Variants in ULK4 observed in about 807,000 individuals in gnomAD.
The protein encoded by ULK4 is unc-51 like kinase 4.
Under a neutral mutation model 160.6 loss-of-function variants are expected in ULK4, and 133 were observed. That is an observed-to-expected ratio of 0.83 (90% CI 0.72 to 0.96). The LOEUF is 0.96. ULK4 is among the 40% of genes least tolerant of loss of function. ULK4 has a pLI of 0.00. For missense variants in ULK4, 1,580 were observed against 1,499.5 expected, an observed-to-expected ratio of 1.05 and a Z score of -0.89; for synonymous variants, 534 against 539.8, an observed-to-expected ratio of 0.99 and a Z score of 0.15.
chr3:41,789,585 C>T, intron 21 of ULK4, 76 bp downstream of exon 21: 1 of 1,356,452 alleles, frequency 7.4e-7, no homozygotes, highest in South Asian at 1.6e-5. Flanking sequence ...ACAAACATGA[C>T]ATTACTTGTG....
At chr3:41,310,174 A>G (rs2080023020) in intron 35 of ULK4, among the ~76,000 whole-genome samples, 1 of 152,216 alleles carries the variant, frequency 6.6e-6, no homozygotes, top group African/African-American at 2.4e-5. Flanking sequence ...CCTTAGATAT[A>G]CTGGCATCAT....
At chr3:41,888,005 G>GAA (rs921455521) in intron 16 of ULK4, among the ~76,000 whole-genome samples, 1 of 143,458 alleles carries the variant, frequency 7.0e-6, no homozygotes, top group Non-Finnish European at 1.5e-5. Flanking sequence ...TCCACAAAAA[G>GAA]AAAAAAAAAA....
chr3:41,431,938 G>T (rs755274544), intron 34 of ULK4, among the ~76,000 whole-genome samples: 1 of 151,138 alleles, frequency 6.6e-6, no homozygotes, highest in Non-Finnish European at 1.5e-5. Flanking sequence ...TACAGGCGCC[G>T]GCCACCACGC....
intron 22 of ULK4, among the ~76,000 whole-genome samples, chr3:41,734,874 C>T (rs894848641): frequency 6.6e-6 from 1 of 152,114 alleles, no homozygotes; most frequent in African/African-American, 2.4e-5. Context: ...ACAGAGGGCC[C>T]AAGAACACAA....
intron 30 of ULK4, among the ~76,000 whole-genome samples, chr3:41,648,699 C>A (rs2034611115): frequency 6.6e-6 from 1 of 152,176 alleles, no homozygotes; most frequent in Non-Finnish European, 1.5e-5. Context: ...TGACACTTCT[C>A]TTCTCCTTTA....
intron 32 of ULK4, among the ~76,000 whole-genome samples, chr3:41,559,613 T>C (rs553108481): frequency 3.8e-4 from 58 of 152,226 alleles, no homozygotes; most frequent in African/African-American, 1.4e-3. Context: ...GATTTGCATT[T>C]CTCTGATGGC....
chr3:41,604,418 T>C (rs1393483111), intron 31 of ULK4, among the ~76,000 whole-genome samples: 1 of 152,102 alleles, frequency 6.6e-6, no homozygotes, highest in African/African-American at 2.4e-5. Flanking sequence ...TATGTAGTTC[T>C]GATATAGATG....
intron 17 of ULK4, among the ~76,000 whole-genome samples, chr3:41,862,578 G>C (rs2042525345): frequency 6.6e-6 from 1 of 152,212 alleles, no homozygotes; most frequent in South Asian, 2.1e-4. Flanking sequence ...GGACTTGGGT[G>C]TTGTGATCTA....
intron 32 of ULK4, among the ~76,000 whole-genome samples, chr3:41,514,297 T>C (rs2085681579): frequency 6.6e-6 from 1 of 152,146 alleles, no homozygotes. Context: ...TAAAAAGTAA[T>C]AATCTTACTT....
intron 22 of ULK4, among the ~76,000 whole-genome samples, chr3:41,737,121 T>C (rs1210308376): frequency 1.3e-5 from 2 of 151,936 alleles, no homozygotes; most frequent in Non-Finnish European, 2.9e-5. Context: ...TGAAGTCAGG[T>C]AGTGTGATGC....
intron 3 of ULK4, chr3:41,937,808 TTTG>T (rs1461033303): frequency 8.8e-6 from 2 of 227,206 alleles, no homozygotes; most frequent in Non-Finnish European, 1.7e-5. Flanking sequence ...ACTTAAAATG[TTTG>T]TTTTTATTTA....
At chr3:41,371,021 G>A (rs1331709558) in intron 35 of ULK4, among the ~76,000 whole-genome samples, 1 of 152,158 alleles carries the variant, frequency 6.6e-6, no homozygotes, top group East Asian at 1.9e-4. Flanking sequence ...TGTAAACAAA[G>A]CTGCCTGGAA....
intron 22 of ULK4, among the ~76,000 whole-genome samples, chr3:41,752,757 A>C (rs1183719944): frequency 6.6e-6 from 1 of 152,154 alleles, no homozygotes; most frequent in Non-Finnish European, 1.5e-5. Context: ...TAAGAGAAAA[A>C]CATTTGCAAC....
chr3:41,353,548 G>C (rs2080956155), intron 35 of ULK4, among the ~76,000 whole-genome samples: 1 of 151,914 alleles, frequency 6.6e-6, no homozygotes, highest in African/African-American at 2.4e-5. Context: ...CATGACTGTA[G>C]TCCTAGCTCC....
intron 19 of ULK4, among the ~76,000 whole-genome samples, chr3:41,817,376 T>G (rs1313248977): frequency 6.6e-6 from 1 of 152,102 alleles, no homozygotes; most frequent in African/African-American, 2.4e-5. Context: ...GCTAAGAGAT[T>G]AACAACCGGA....
intron 22 of ULK4, among the ~76,000 whole-genome samples, chr3:41,752,554 T>C (rs2038666697): frequency 6.6e-6 from 1 of 152,192 alleles, no homozygotes; most frequent in Non-Finnish European, 1.5e-5. Context: ...GTGACTGATC[T>C]ACAATGTAAT....
chr3:41,534,057 C>T (rs1378470929), intron 32 of ULK4, among the ~76,000 whole-genome samples: 5 of 152,176 alleles, frequency 3.3e-5, no homozygotes, highest in Admixed American at 6.5e-5. Context: ...CCAACCGCCT[C>T]GGCCTCCCAA....
At chr3:41,722,522 C>T (rs138239252) in intron 22 of ULK4, among the ~76,000 whole-genome samples, 48,348 of 151,832 alleles carry the variant, frequency 0.32, 11,356 homozygotes, top group African/African-American at 0.67. Context: ...TCCCAGCTAC[C>T]CGGGAGGCTG....
At chr3:41,576,263 G>A (rs1553614622) in intron 31 of ULK4, among the ~76,000 whole-genome samples, 1 of 152,196 alleles carries the variant, frequency 6.6e-6, no homozygotes, top group Non-Finnish European at 1.5e-5. Flanking sequence ...GTTGTTTCCT[G>A]AAGCTGGTGT....
Sources: gnomAD v4.1 joint callset for allele counts (sites outside exome capture counted in the v4.1 genomes callset) on GRCh38, gnomAD v4.1.1 for gene constraint, MANE v1.5 for transcripts, NCBI Gene and HGNC (gene_info 2026-07-23, HGNC 2026-07-21) for gene names.